The following PTP4A1 variants were observed in gnomAD, a reference collection of about 807,000 sequenced individuals.
The protein encoded by PTP4A1 is protein tyrosine phosphatase type IVA 1.
In PTP4A1, 9 loss-of-function variants were observed where a neutral mutation model predicts 20.5. That is an observed-to-expected ratio of 0.44 (90% CI 0.26 to 0.77). PTP4A1 has a LOEUF of 0.77. Among genes scored for constraint, PTP4A1 ranks in the 30% least tolerant of loss-of-function variants. The probability of loss-of-function intolerance (pLI) is 0.19; values close to 1 mark genes in which losing one functional copy is unlikely to be tolerated. For synonymous variants in PTP4A1, 78 were observed against 67.4 expected (o/e 1.16, Z -0.77); for missense variants, 137 against 218.8 (o/e 0.63, Z 2.36).
upstream of PTP4A1, among the ~76,000 whole-genome samples, chr6:63,519,659 G>A (rs1203451640): frequency 6.6e-6 from 1 of 152,094 alleles, no homozygotes; most frequent in Non-Finnish European, 1.5e-5. Context: ...TAAAAAGTAG[G>A]ACATGAAAAT....
chr6:63,567,332 CAA>C (rs1389918760), intron 3 of PTP4A1, among the ~76,000 whole-genome samples: 1 of 152,138 alleles, frequency 6.6e-6, no homozygotes, highest in African/African-American at 2.4e-5. Context: ...ACCTGAAAGT[CAA>C]AATTATTCCT....
intron 2 of PTP4A1, among the ~76,000 whole-genome samples, chr6:63,532,936 T>C (rs1423499557): frequency 1.3e-5 from 2 of 152,228 alleles, no homozygotes; most frequent in Non-Finnish European, 2.9e-5. Context: ...AGGTATTACA[T>C]ACCCGATGTG....
intron 2 of PTP4A1, 96 bp downstream of exon 2, chr6:63,577,081 T>C: frequency 2.3e-6 from 2 of 867,072 alleles, no homozygotes; most frequent in African/African-American, 1.7e-5. Flanking sequence ...AAAAATGAGA[T>C]GATATACCTA....
upstream of PTP4A1, among the ~76,000 whole-genome samples, chr6:63,569,941 T>G (rs576228599): frequency 5.9e-5 from 9 of 152,348 alleles, no homozygotes; most frequent in African/African-American, 2.2e-4. Flanking sequence ...TGTTCTACTG[T>G]TCTCCAAGAA....
intron 2 of PTP4A1, among the ~76,000 whole-genome samples, chr6:63,540,314 T>C (rs1292687716): frequency 6.6e-6 from 1 of 152,100 alleles, no homozygotes; most frequent in Non-Finnish European, 1.5e-5. Flanking sequence ...TCCAGATGTG[T>C]ATAGAATCAT....
chr6:63,536,902 C>G (rs1775753598), intron 2 of PTP4A1, among the ~76,000 whole-genome samples: 1 of 151,916 alleles, frequency 6.6e-6, no homozygotes, highest in Non-Finnish European at 1.5e-5. Context: ...TAAAATTTTC[C>G]TCAAAGCAAA....
chr6:63,532,298 A>T (rs1235281568), intron 2 of PTP4A1, among the ~76,000 whole-genome samples: 2 of 152,190 alleles, frequency 1.3e-5, no homozygotes, highest in Non-Finnish European at 2.9e-5. Context: ...AAATTTTGGT[A>T]AATCTCTATT....
intron 1 of PTP4A1, among the ~76,000 whole-genome samples, chr6:63,524,891 C>A (rs768885460): frequency 3.9e-5 from 6 of 152,100 alleles, no homozygotes; most frequent in Non-Finnish European, 8.8e-5. Flanking sequence ...TTTTAAATTG[C>A]AGTTTTTGAA....
upstream of PTP4A1, among the ~76,000 whole-genome samples, chr6:63,521,271 G>A (rs72880865): frequency 5.3e-3 from 800 of 152,070 alleles, 6 homozygotes; most frequent in African/African-American, 0.011. Context: ...AGAAAAAAAC[G>A]GCAAATAATT....
At chr6:63,570,219 T>C (rs1210475431), upstream of PTP4A1, among the ~76,000 whole-genome samples, 2 of 152,116 alleles carry the variant, frequency 1.3e-5, no homozygotes, top group East Asian at 3.9e-4. Context: ...TAATCCCAGC[T>C]ACTTGGGAGG....
intron 3 of PTP4A1, among the ~76,000 whole-genome samples, chr6:63,552,827 C>A (rs1210854354): frequency 6.6e-6 from 1 of 152,128 alleles, no homozygotes; most frequent in East Asian, 1.9e-4. Context: ...TCAGGTTTGT[C>A]AAAGATCAGA....
chr6:63,560,432 C>T (rs865926079), intron 3 of PTP4A1, among the ~76,000 whole-genome samples: 1 of 144,472 alleles, frequency 6.9e-6, no homozygotes, highest in African/African-American at 2.6e-5. Flanking sequence ...GACAGAGTCT[C>T]ATTCTGTTGG....
chr6:63,561,221 C>T (rs1776935061), intron 3 of PTP4A1, among the ~76,000 whole-genome samples: 1 of 152,150 alleles, frequency 6.6e-6, no homozygotes, highest in African/African-American at 2.4e-5. Flanking sequence ...AGCTGCATCA[C>T]ATAATACTTG....
At chr6:63,521,115 G>C (rs1487779171), upstream of PTP4A1, among the ~76,000 whole-genome samples, 2 of 152,010 alleles carry the variant, frequency 1.3e-5, no homozygotes, top group Non-Finnish European at 2.9e-5. Context: ...GAGAGCATGC[G>C]GGGCTTAAAA....
chr6:63,529,666 G>A (rs796804849), intron 2 of PTP4A1, among the ~76,000 whole-genome samples: 40 of 152,290 alleles, frequency 2.6e-4, no homozygotes, highest in African/African-American at 9.6e-4. Flanking sequence ...TGCATAAAAT[G>A]AAAGTTAGAA....
chr6:63,569,546 G>A (rs757245775), upstream of PTP4A1, among the ~76,000 whole-genome samples: 32 of 152,224 alleles, frequency 2.1e-4, no homozygotes, highest in Non-Finnish European at 3.7e-4. Context: ...TTACAGGCAT[G>A]AGCCTGTATG....
intron 2 of PTP4A1, among the ~76,000 whole-genome samples, 163 bp downstream of exon 2, chr6:63,577,148 G>A (rs983335706): frequency 6.6e-6 from 1 of 152,172 alleles, no homozygotes; most frequent in Non-Finnish European, 1.5e-5. Context: ...AGGTATATTT[G>A]TACATTTTGA....
At position 63,542,022 on chromosome 6, in the gene PTP4A1, G is replaced by GGTGTGTGTGT. The variant is rs72091849; in HGVS notation, c.-639-8247_-639-8238dup. Among the ~76,000 whole-genome samples, 1,123 of 146,826 alleles carry GGTGTGTGTGT rather than the reference G, an allele frequency of 7.6e-3. 10 individuals are homozygous for GGTGTGTGTGT. The highest frequency in any genetic ancestry group is 0.025 in the African/African-American group (1,000 of 39,530). On this transcript the variant is annotated intron_variant, in intron 2 of 3. Transcript: ENST00000639568. ...CTCATTTGGTGGATAAAGAAACTGT[G>GGTGTGTGTGT]GTGTGTGTGTGTGTGTGTGTGTGTG...
intron 3 of PTP4A1, among the ~76,000 whole-genome samples, chr6:63,559,550 T>C (rs1776845808): frequency 6.6e-6 from 1 of 151,948 alleles, no homozygotes; most frequent in African/African-American, 2.4e-5. Context: ...ATGGAGACCA[T>C]CCTGGCCAAC....
Sources: gnomAD v4.1 joint callset for allele counts (sites outside exome capture counted in the v4.1 genomes callset) on GRCh38, gnomAD v4.1.1 for gene constraint, MANE v1.5 for transcripts, NCBI Gene and HGNC (gene_info 2026-07-23, HGNC 2026-07-21) for gene names.